The following SGCG variants were observed in gnomAD, a reference collection of about 807,000 sequenced individuals.
SGCG encodes the protein gamma-sarcoglycan.
A neutral mutation model predicts 29.3 loss-of-function variants in SGCG; 26 were observed. The ratio of observed to expected loss-of-function variants is 0.89; its 90% CI spans 0.65 to 1.23. SGCG has a LOEUF of 1.23. Among genes scored for constraint, SGCG ranks in the 50% most tolerant of loss-of-function variants. The probability of loss-of-function intolerance (pLI) is 0.00; values close to 1 mark genes in which losing one functional copy is unlikely to be tolerated. For missense variants in SGCG, 353 were observed against 356.0 expected (o/e 0.99, Z 0.07); for synonymous variants, 145 against 129.7 (o/e 1.12, Z -0.80).
At chr13:23,300,932 G>A (rs559675803) in intron 6 of SGCG, among the ~76,000 whole-genome samples, 18 of 151,880 alleles carry the variant, frequency 1.2e-4, no homozygotes, top group Non-Finnish European at 2.1e-4. Context: ...TGGCTAACAC[G>A]GTGAAACCCC....
At chr13:23,189,101 A>G (rs12871155) in intron 1 of SGCG, among the ~76,000 whole-genome samples, 43,943 of 152,128 alleles carry the variant, frequency 0.29, 7,392 homozygotes, top group Admixed American at 0.4. Flanking sequence ...TCCTCTCACT[A>G]CACAGGGACA....
intron 6 of SGCG, among the ~76,000 whole-genome samples, chr13:23,308,300 G>A (rs1338381340): frequency 6.6e-6 from 1 of 152,164 alleles, no homozygotes; most frequent in East Asian, 1.9e-4. Flanking sequence ...ATGTGAAGTA[G>A]GCAAATAATT....
intron 3 of SGCG, among the ~76,000 whole-genome samples, chr13:23,237,537 G>A (rs1405854921): frequency 3.3e-5 from 5 of 152,152 alleles, no homozygotes; most frequent in Non-Finnish European, 5.9e-5. Flanking sequence ...ACAACTATTT[G>A]AATAAAGCAG....
upstream of SGCG, among the ~76,000 whole-genome samples, chr13:23,176,631 G>C (rs561411035): frequency 6.6e-6 from 1 of 152,044 alleles, no homozygotes; most frequent in Non-Finnish European, 1.5e-5. Flanking sequence ...TGTCCTTATA[G>C]GTGCAATAAG....
intron 5 of SGCG, among the ~76,000 whole-genome samples, chr13:23,282,893 G>A (rs9578567): frequency 0.43 from 65,866 of 152,012 alleles, 15,112 homozygotes; most frequent in Middle Eastern, 0.65. Context: ...TCATTCAGGA[G>A]CAGGTTGTTC....
intron 6 of SGCG, among the ~76,000 whole-genome samples, chr13:23,317,392 C>T (rs1188162095): frequency 6.6e-6 from 1 of 152,112 alleles, no homozygotes; most frequent in African/African-American, 2.4e-5. Flanking sequence ...CTCACTCCAC[C>T]AGGAAAAAAG....
intron 6 of SGCG, among the ~76,000 whole-genome samples, chr13:23,296,594 C>T (rs1881918887): frequency 8.6e-6 from 1 of 116,580 alleles, no homozygotes; most frequent in Admixed American, 9.2e-5. Context: ...TTCTCTTCTC[C>T]CGGTCACCCC....
intron 5 of SGCG, among the ~76,000 whole-genome samples, chr13:23,286,039 G>A (rs1435994781): frequency 6.6e-6 from 1 of 152,134 alleles, no homozygotes; most frequent in Non-Finnish European, 1.5e-5. Context: ...CTGCAGACCG[G>A]AGCTGTTCCT....
chr13:23,208,512 C>T (rs954703167), intron 2 of SGCG, among the ~76,000 whole-genome samples: 3 of 152,058 alleles, frequency 2.0e-5, no homozygotes, highest in Admixed American at 6.6e-5. Flanking sequence ...AAAATGTTGA[C>T]CAAGAGAATA....
intron 6 of SGCG, among the ~76,000 whole-genome samples, chr13:23,314,455 G>A (rs1261218687): frequency 2.0e-5 from 2 of 102,130 alleles, no homozygotes; most frequent in Non-Finnish European, 4.2e-5. Context: ...TATATATAAA[G>A]GTATATATAT....
intron 2 of SGCG, among the ~76,000 whole-genome samples, chr13:23,215,853 A>C (rs1244966378): frequency 2.0e-5 from 3 of 152,112 alleles, no homozygotes; most frequent in Non-Finnish European, 4.4e-5. Context: ...AGCCATCATC[A>C]TATAGCAATA....
intron 6 of SGCG, among the ~76,000 whole-genome samples, chr13:23,310,035 G>C (rs1033259351): frequency 7.4e-6 from 1 of 135,468 alleles, no homozygotes; most frequent in African/African-American, 2.8e-5. Flanking sequence ...AAATTACATT[G>C]TTAACATCTT....
intron 6 of SGCG, among the ~76,000 whole-genome samples, chr13:23,297,682 T>C (rs973523617): frequency 6.6e-6 from 1 of 152,198 alleles, no homozygotes; most frequent in African/African-American, 2.4e-5. Flanking sequence ...GTGGGCGTTA[T>C]GGCCATCATG....
chr13:23,238,571 T>A (rs1879394164), intron 3 of SGCG, among the ~76,000 whole-genome samples: 1 of 152,090 alleles, frequency 6.6e-6, no homozygotes, highest in Non-Finnish European at 1.5e-5. Flanking sequence ...AGATCAACAC[T>A]AGGAAAAAAA....
At chr13:23,301,714 C>T (rs1015794814) in intron 6 of SGCG, among the ~76,000 whole-genome samples, 1 of 152,052 alleles carries the variant, frequency 6.6e-6, no homozygotes, top group Admixed American at 6.6e-5. Flanking sequence ...TGGAGAAACC[C>T]TGTCTCTACT....
At chr13:23,295,933 G>A (rs375140738) in intron 6 of SGCG, among the ~76,000 whole-genome samples, 12 of 152,070 alleles carry the variant, frequency 7.9e-5, no homozygotes, top group African/African-American at 2.2e-4. Flanking sequence ...CCATATCCTC[G>A]CCCACCCATC....
the SGCG span, among the ~76,000 whole-genome samples, chr13:23,164,339 T>C: frequency 6.6e-6 from 1 of 152,230 alleles, no homozygotes; most frequent in Non-Finnish European, 1.5e-5. Flanking sequence ...GCTCTGTTTA[T>C]TGTGTTGATG....
rs1317097690 is a variant in SGCG at position 23,278,950 on chromosome 13, C to T, written c.386-409C>T. ...GATTTATCTTCTAGGTTAACTTTGA[C>T]CATTAAAGTGAGCCATTCGTAAGAT... On this transcript the variant is annotated intron_variant, in intron 4 of 7. Coordinates refer to ENST00000218867, the MANE Select transcript of SGCG (RefSeq NM_000231.3). Among the ~76,000 whole-genome samples, 3 of 152,128 alleles carry T rather than the reference C, an allele frequency of 2.0e-5. No individual in the cohort carries two copies. In the East Asian group the frequency reaches 5.8e-4, roughly 29 times the overall value.
chr13:23,186,647 C>G (rs956927015), intron 1 of SGCG, among the ~76,000 whole-genome samples: 1 of 152,160 alleles, frequency 6.6e-6, no homozygotes, highest in African/African-American at 2.4e-5. Context: ...TCTGAAGTAT[C>G]CCCCATCCTC....
Sources: gnomAD v4.1 joint callset for allele counts (sites outside exome capture counted in the v4.1 genomes callset) on GRCh38, gnomAD v4.1.1 for gene constraint, MANE v1.5 for transcripts, NCBI Gene and HGNC (gene_info 2026-07-23, HGNC 2026-07-21) for gene names.